Variants in SGCZ observed in about 807,000 individuals in gnomAD.
The protein encoded by SGCZ is zeta-sarcoglycan.
A neutral mutation model predicts 41.3 loss-of-function variants in SGCZ; 40 were observed. That is an observed-to-expected ratio of 0.97 (90% CI 0.75 to 1.26). The LOEUF (loss-of-function observed/expected upper bound fraction) is 1.26. Ranked by LOEUF, SGCZ falls within the 50% of genes most tolerant of loss-of-function variation. The probability of loss-of-function intolerance (pLI) is 0.00; values close to 1 mark genes in which losing one functional copy is unlikely to be tolerated. For synonymous variants in SGCZ, 206 were observed against 137.5 expected (o/e 1.50, Z -3.49); for missense variants, 552 against 369.8 (o/e 1.49, Z -4.04).
At chr8:14,831,468 G>C (rs746829787) in intron 1 of SGCZ, among the ~76,000 whole-genome samples, 8 of 152,148 alleles carry the variant, frequency 5.3e-5, no homozygotes, top group African/African-American at 9.7e-5. Context: ...GTGCTCCAGA[G>C]TTCAAGAGAA....
chr8:14,992,212 T>A (rs1585446207), intron 1 of SGCZ, among the ~76,000 whole-genome samples: 1 of 151,860 alleles, frequency 6.6e-6, no homozygotes, highest in African/African-American at 2.4e-5. Flanking sequence ...TTACCTCTCA[T>A]CCAATCTACT....
At chr8:14,843,535 A>G (rs1802997634) in intron 1 of SGCZ, among the ~76,000 whole-genome samples, 2 of 152,134 alleles carry the variant, frequency 1.3e-5, no homozygotes, top group Admixed American at 1.3e-4. Context: ...ACTAAATTAA[A>G]TAGTGTTATT....
chr8:14,363,145 C>T (rs1008276293), intron 2 of SGCZ, among the ~76,000 whole-genome samples: 34 of 152,168 alleles, frequency 2.2e-4, no homozygotes, highest in African/African-American at 7.9e-4. Flanking sequence ...CTTTCTACTT[C>T]CATAAAAACT....
At chr8:15,079,007 T>G (rs1165278589) in intron 1 of SGCZ, among the ~76,000 whole-genome samples, 1 of 152,152 alleles carries the variant, frequency 6.6e-6, no homozygotes, top group East Asian at 1.9e-4. Context: ...GTGTTTCAAA[T>G]TATATCTTTG....
intron 2 of SGCZ, among the ~76,000 whole-genome samples, chr8:14,452,786 G>A (rs1012871289): frequency 1.3e-5 from 2 of 152,080 alleles, no homozygotes; most frequent in African/African-American, 2.4e-5. Context: ...AAGGCAGGAA[G>A]CATGAAACAT....
intron 3 of SGCZ, among the ~76,000 whole-genome samples, chr8:14,278,325 G>A (rs1330400607): frequency 6.6e-6 from 1 of 151,976 alleles, no homozygotes; most frequent in East Asian, 1.9e-4. Context: ...TCTCCTATAT[G>A]TCTGTATATT....
intron 1 of SGCZ, among the ~76,000 whole-genome samples, chr8:15,009,002 T>G (rs1386830296): frequency 6.6e-6 from 1 of 152,176 alleles, no homozygotes; most frequent in African/African-American, 2.4e-5. Context: ...ATCTCCTGTT[T>G]TCACGTATCC....
Position 14,603,770 on chromosome 8 carries a change from A to T in SGCZ, c.40-48844T>A, listed in dbSNP as rs548556412. Among the ~76,000 whole-genome samples the T allele has an allele frequency of 2.6e-5, 4 of 152,278 alleles. No individual in the cohort carries two copies. In the South Asian group the frequency reaches 8.3e-4, roughly 32 times the overall value. On this transcript the variant is annotated intron_variant, in intron 1 of 7. Coordinates refer to ENST00000382080, the MANE Select transcript of SGCZ (RefSeq NM_139167.4). ...TAAAGTTGCTGCTTTCTCCCAAAAAATTATACCCTGTTACATGATTTAGTT... is the reference window on the plus strand; with the variant it reads ...TAAAGTTGCTGCTTTCTCCCAAAAATTTATACCCTGTTACATGATTTAGTT...
At chr8:14,820,188 G>C (rs1802032468) in intron 1 of SGCZ, among the ~76,000 whole-genome samples, 1 of 151,892 alleles carries the variant, frequency 6.6e-6, no homozygotes, top group Non-Finnish European at 1.5e-5. Context: ...CATAGAAAAA[G>C]ACATTTCAGG....
chr8:14,380,298 G>A (rs1028503055), intron 2 of SGCZ, among the ~76,000 whole-genome samples: 1 of 151,968 alleles, frequency 6.6e-6, no homozygotes, highest in Admixed American at 6.6e-5. Context: ...TTTCTTTGAT[G>A]CTTTTTCTTT....
At chr8:14,389,006 A>G (rs1435698787) in intron 2 of SGCZ, among the ~76,000 whole-genome samples, 3 of 152,018 alleles carry the variant, frequency 2.0e-5, no homozygotes, top group African/African-American at 7.2e-5. Context: ...AAAGCATAAT[A>G]TAAATAAAAG....
chr8:14,825,707 T>A (rs2130582732), intron 1 of SGCZ, among the ~76,000 whole-genome samples: 1 of 152,256 alleles, frequency 6.6e-6, no homozygotes, highest in South Asian at 2.1e-4. Context: ...TCTCTCCCAT[T>A]CTTCCTACCC....
chr8:14,514,412 C>T (rs901511174), intron 2 of SGCZ, among the ~76,000 whole-genome samples: 1 of 151,794 alleles, frequency 6.6e-6, no homozygotes, highest in Non-Finnish European at 1.5e-5. Context: ...ATAGGAAAAA[C>T]GACATCTCTT....
intron 2 of SGCZ, among the ~76,000 whole-genome samples, chr8:14,347,319 A>C (rs542761927): frequency 7.9e-5 from 12 of 152,250 alleles, no homozygotes; most frequent in African/African-American, 2.4e-4. Context: ...GGATTCCTAC[A>C]ATAATTTGCT....
intron 1 of SGCZ, among the ~76,000 whole-genome samples, chr8:15,142,326 T>C (rs566545366): frequency 6.6e-6 from 1 of 152,262 alleles, no homozygotes; most frequent in African/African-American, 2.4e-5. Flanking sequence ...TTCAACATAA[T>C]GCTTGAGTAA....
chr8:14,164,684 G>A lies in SGCZ; in HGVS notation c.443C>T (p.Ala148Val), dbSNP rs1274389278. Reference protein sequence around the residue: ...QLTIGADAVEAQCKRFEVRAS... With the variant: ...QLTIGADAVEVQCKRFEVRAS... ...TCTCACTTCAAATCTTTTACACTGA[G>A]CTTCCACAGCATCAGCTCCTATGGT... The change falls in exon 5 of 8, where the codon GCT (alanine) becomes GTT (valine). Residue 148 changes from alanine to valine, a missense_variant. Coordinates refer to ENST00000382080, the MANE Select transcript of SGCZ (RefSeq NM_139167.4). 5 of 1,613,306 alleles carry A rather than the reference G, an allele frequency of 3.1e-6. No homozygotes were observed. Among genetic ancestry groups the A allele is most frequent in the Non-Finnish European group, 4.2e-6 (5 of 1,179,632 alleles).
intron 1 of SGCZ, among the ~76,000 whole-genome samples, chr8:15,095,969 C>T (rs774826082): frequency 7.2e-5 from 11 of 152,134 alleles, no homozygotes; most frequent in Non-Finnish European, 1.6e-4. Context: ...ACCCAGTTCA[C>T]GAAAATGAGC....
intron 1 of SGCZ, among the ~76,000 whole-genome samples, chr8:14,812,715 C>T (rs959760673): frequency 6.6e-5 from 10 of 152,192 alleles, no homozygotes; most frequent in Non-Finnish European, 1.0e-4. Flanking sequence ...GACAATCAGA[C>T]GGTTTAAATG....
At chr8:14,264,829 G>A (rs1428932633) in intron 3 of SGCZ, among the ~76,000 whole-genome samples, 4 of 152,110 alleles carry the variant, frequency 2.6e-5, no homozygotes, top group Non-Finnish European at 5.9e-5. Flanking sequence ...CGGGCGTGGT[G>A]GCGGGCGCCT....
Sources: allele counts gnomAD v4.1 joint callset (sites outside exome capture counted in the v4.1 genomes callset), GRCh38; gene constraint gnomAD v4.1.1; transcripts MANE v1.5; gene names NCBI Gene and HGNC (gene_info 2026-07-23, HGNC 2026-07-21).